FAM149A: variants seen among roughly 807,000 people sequenced by gnomAD.
The protein encoded by FAM149A is protein FAM149A.
Under a neutral mutation model 78.2 loss-of-function variants are expected in FAM149A, and 71 were observed. The observed-to-expected ratio is 0.91, with a 90% CI of 0.75 to 1.11. The LOEUF (loss-of-function observed/expected upper bound fraction) is 1.11, where lower values mean the gene tolerates loss of function less well. Ranked by LOEUF, FAM149A falls within the 50% of genes least tolerant of loss-of-function variation. The pLI is 0.00. For synonymous variants in FAM149A, 446 were observed against 410.5 expected, an observed-to-expected ratio of 1.09 and a Z score of -1.04; for missense variants, 1,036 against 971.0, an observed-to-expected ratio of 1.07 and a Z score of -0.89.
chr4:186,145,210 T>A, intron 1 of FAM149A: 1 of 931,786 alleles, frequency 1.1e-6, no homozygotes, highest in South Asian at 4.9e-5. Flanking sequence ...TGGCCCGGGC[T>A]TCCCTGCAGG....
At chr4:186,109,879 C>T (rs1440982329) in intron 1 of FAM149A, 2 of 985,206 alleles carry the variant, frequency 2.0e-6, no homozygotes, top group South Asian at 4.7e-5. Context: ...ACCTTCCCTG[C>T]ATGACTTACA....
At position 186,164,512 on chromosome 4, in the gene FAM149A, T is replaced by A. The variant is rs533629588; in HGVS notation, c.1890-832T>A. On this transcript the variant is annotated intron_variant, in intron 10 of 13. Coordinates refer to ENST00000389354, the MANE Select transcript of FAM149A (RefSeq NM_001367768.3). The surrounding 1 kb of genome is among the most constrained non-coding windows in gnomAD (Gnocchi z 4.0). The stretch of plus-strand genomic sequence containing the variant: ...TTCCAGATGCAGTCATAACCCCCCT[T>A]TCAGCTTTTTAATTGGTGACTGTTT... 1.0e-6 allele frequency: 1 copy of A among 984,238 alleles called. No homozygotes were observed. Among genetic ancestry groups the A allele is most frequent in the South Asian group, 4.7e-5 (1 of 21,256 alleles). The allele number at this position is 984,238 out of a possible 1,614,324, so 61.0% of individuals were successfully genotyped here.
chr4:186,159,333 T>C (rs964769071), intron 8 of FAM149A, among the ~76,000 whole-genome samples: 2 of 152,148 alleles, frequency 1.3e-5, no homozygotes, highest in Non-Finnish European at 2.9e-5. Context: ...ATTGGTCTTT[T>C]ACATTGAAGG....
chr4:186,130,520 CATT>C (rs1387300596), intron 1 of FAM149A, among the ~76,000 whole-genome samples: 9 of 134,852 alleles, frequency 6.7e-5, no homozygotes, highest in African/African-American at 2.3e-4. Context: ...CCATGCCTGG[CATT>C]TTTTTTTTGT....
Position 186,159,125 on chromosome 4 carries a change from A to G in FAM149A, c.1575+1406A>G, listed in dbSNP as rs75243900. ...GTGATAAAAGAACCAATGAGTATAC[A>G]TTGGGCTTACTCAGCATTTATTGGT... On this transcript the variant is annotated intron_variant, in intron 8 of 13. Transcript: ENST00000389354. 5.9e-3 allele frequency among the ~76,000 whole-genome samples: 892 copies of G among 152,240 alleles called. 14 individuals carry two copies. Among genetic ancestry groups the G allele is most frequent in the African/African-American group, 0.02 (845 of 41,532 alleles).
chr4:186,158,937 T>C (rs1484904517), intron 8 of FAM149A: 3 of 341,002 alleles, frequency 8.8e-6, no homozygotes, highest in Non-Finnish European at 1.2e-5. Flanking sequence ...TATTCGGGTC[T>C]GTTTGCAATG....
chr4:186,159,545 A>G (rs951125736), intron 8 of FAM149A, among the ~76,000 whole-genome samples: 2 of 152,144 alleles, frequency 1.3e-5, no homozygotes, highest in Admixed American at 1.3e-4. Flanking sequence ...TGAGAGGAGT[A>G]TTCTTCTGGA....
At chr4:186,166,744 T>C (rs1157709995) in intron 11 of FAM149A, among the ~76,000 whole-genome samples, 1 of 151,156 alleles carries the variant, frequency 6.6e-6, no homozygotes, top group Non-Finnish European at 1.5e-5. Context: ...TTTTTTTATC[T>C]CTCTTTCCCT....
chr4:186,167,972 C>T (rs762299082), intron 13 of FAM149A, among the ~76,000 whole-genome samples: 2 of 152,132 alleles, frequency 1.3e-5, no homozygotes, highest in Non-Finnish European at 2.9e-5. Context: ...AGCTAGATAC[C>T]AGGCATGTAT....
Position 186,105,103 on chromosome 4 carries a change from GTC to G in FAM149A, c.33_34del (p.Leu12GlyfsTer88), listed in dbSNP as rs536692165. ...TGAAGGCTGCTGTGCTGGACCTTGG[GTC>G]TCTCTTGGCCAAACTCTTCGAGACC... On this transcript the variant is annotated frameshift_variant, in exon 1 of 14. Transcript: ENST00000389354. LOFTEE classifies it high-confidence loss of function. The G allele has an allele frequency of 5.4e-4, 689 of 1,281,164 alleles. 2 individuals are homozygous for G. The highest frequency in any genetic ancestry group is 2.6e-3 in the South Asian group (212 of 80,766). 79.4% of individuals were successfully genotyped at this position (1,281,164 alleles called of 1,614,324 possible).
At position 186,104,741 on chromosome 4, in the gene FAM149A, CGCGGGCG is replaced by C. The variant is rs10536167; in HGVS notation, c.-314_-308del. Among the ~76,000 whole-genome samples the C allele has an allele frequency of 0.29, 43,912 of 149,414 alleles. 7,031 individuals carry two copies. The highest frequency in any genetic ancestry group is 0.51 in the East Asian group (2,525 of 4,996). On this transcript the variant is annotated 5_prime_UTR_variant, in exon 1 of 14. Coordinates refer to ENST00000389354, the MANE Select transcript of FAM149A (RefSeq NM_001367768.3). ...GGCCGGGTGTGTTGAACGTAGCAAC[CGCGGGCG>C]GCGGGCGGCGGGCGGCGGGCGTCTG...
chr4:186,157,641 C>G lies in FAM149A; in HGVS notation c.1497C>G (p.Ala499=). The G allele has an allele frequency of 6.2e-7, 1 of 1,614,074 alleles. No individual in the cohort carries two copies. Among genetic ancestry groups the G allele is most frequent in the Non-Finnish European group, 8.5e-7 (1 of 1,179,922 alleles). ...ACGTCCTCGTTCCACACGCTCACGC[C>G]GATGGAGCCAGTGGCCCCCCGTCCG... is the stretch of plus-strand genomic sequence containing the variant. The change falls in exon 8 of 14, where the codon GCC becomes GCG. Residue 499 remains alanine, a synonymous_variant. Transcript: ENST00000389354.
intron 1 of FAM149A, chr4:186,132,997 C>T (rs561821878): frequency 9.1e-6 from 9 of 985,364 alleles, no homozygotes; most frequent in East Asian, 1.1e-4. Flanking sequence ...TGCTCTGAGA[C>T]GAGCTCTGCC....
In FAM149A at chr4:186,124,218, G is replaced by A. The variant is rs894916046; in HGVS notation, c.566+18576G>A. ...CCAGAGTGGAGGCAGAGGGTGGGTT[G>A]GCTTTCGGTTTCTTGCCATTTTTGT... On this transcript the variant is annotated intron_variant, in intron 1 of 13. Transcript: ENST00000389354. 9 of 985,014 alleles carry A rather than the reference G, an allele frequency of 9.1e-6. No individual in the cohort carries two copies. In the African/African-American group the frequency reaches 1.6e-4, roughly 17 times the overall value. The allele number at this position is 985,014 out of a possible 1,614,324, so 61.0% of individuals were successfully genotyped here.
At chr4:186,124,873 CCCA>C (rs1454815490) in intron 1 of FAM149A, among the ~76,000 whole-genome samples, 1 of 152,070 alleles carries the variant, frequency 6.6e-6, no homozygotes, top group African/African-American at 2.4e-5. Flanking sequence ...AGTTTACAGT[CCCA>C]CCAACAGTGT....
In FAM149A at chr4:186,116,560, T is replaced by G. The variant is rs535371420; in HGVS notation, c.566+10918T>G. ...TTCTGTCTTATGCGTAGGCTTTTGC[T>G]TTAAATTATCCTCTTTCTTTGTTGT... is the stretch of plus-strand genomic sequence containing the variant. On this transcript the variant is annotated intron_variant, in intron 1 of 13. Transcript: ENST00000389354. The G allele has an allele frequency of 4.1e-6, 4 of 984,584 alleles. No individual in the cohort carries two copies. In the African/African-American group the frequency reaches 7.0e-5, roughly 17 times the overall value. The allele number at this position is 984,584 out of a possible 1,614,324, so 61.0% of individuals were successfully genotyped here. A position where few individuals can be genotyped will look rare whatever the true frequency, so the allele number is the denominator to read the frequency against.
At chr4:186,151,507 G>C (rs1010941532) in intron 3 of FAM149A, among the ~76,000 whole-genome samples, 3 of 152,116 alleles carry the variant, frequency 2.0e-5, no homozygotes, top group Non-Finnish European at 4.4e-5. Context: ...TATTTTGCAG[G>C]TGTGCTTAGG....
In FAM149A at chr4:186,136,872, C is replaced by T. The variant is rs568931558; in HGVS notation, c.567-12301C>T. 8.5e-5 allele frequency among the ~76,000 whole-genome samples: 13 copies of T among 152,134 alleles called. No homozygotes were observed. In the East Asian group the frequency reaches 2.3e-3, roughly 27 times the overall value. ...GTCTGTGCCCGAGTTTTCTCACTGG[C>T]AGAATGGCATTAACAGCAGTGCCCC... On this transcript the variant is annotated intron_variant, in intron 1 of 13. Transcript: ENST00000389354.
At chr4:186,117,143 C>T (rs2099314101) in intron 1 of FAM149A, among the ~76,000 whole-genome samples, 1 of 151,970 alleles carries the variant, frequency 6.6e-6, no homozygotes, top group South Asian at 2.1e-4. Flanking sequence ...CCTGTGGTGG[C>T]TGGTACATAA....
Sources: allele counts gnomAD v4.1 joint callset (sites outside exome capture counted in the v4.1 genomes callset), GRCh38; gene constraint gnomAD v4.1.1; non-coding constraint Gnocchi (gnomAD v3.1); transcripts MANE v1.5; gene names NCBI Gene and HGNC (gene_info 2026-07-23, HGNC 2026-07-21).